Variants in COPRS observed in about 807,000 individuals in gnomAD.
COPRS encodes the protein cooperator of PRMT5.
COPRS carries 11 observed loss-of-function variants against 19.9 expected under a neutral mutation model. That is an observed-to-expected ratio of 0.55 (90% CI 0.35 to 0.92). The LOEUF (loss-of-function observed/expected upper bound fraction) is 0.92, where lower values mean the gene tolerates loss of function less well. Ranked by LOEUF, COPRS falls within the 40% of genes least tolerant of loss-of-function variation. The pLI is 0.01. For synonymous variants in COPRS, 81 were observed against 82.7 expected (o/e 0.98, Z 0.11); for missense variants, 225 against 229.9 (o/e 0.98, Z 0.14).
Position 31,859,196 on chromosome 17 carries a change from C to T in COPRS, c.4G>A (p.Asp2Asn). 2 of 1,052,264 alleles carry T rather than the reference C, an allele frequency of 1.9e-6. No individual in the cohort carries two copies. The highest frequency in any genetic ancestry group is 2.3e-6 in the Non-Finnish European group (2 of 872,514). The allele number at this position is 1,052,264 out of a possible 1,614,324, so 65.2% of individuals were successfully genotyped here. M[D>N]LQAAGAQAQG... Reference sequence around the variant, plus strand: ...GCCTGGGCCCCGGCGGCCTGAAGGTCCATGCCCTGCGGCCCGCGGCTGGTC... The same window carrying T: ...GCCTGGGCCCCGGCGGCCTGAAGGTTCATGCCCTGCGGCCCGCGGCTGGTC... The change falls in exon 1 of 4, where the codon GAC becomes AAC. Residue 2 changes from aspartate (D) to asparagine (N), a missense_variant. Asp to Asn is a conservative substitution (Grantham distance 23, BLOSUM62 1). Around this residue, in one of 3 missense-constraint regions of COPRS, gnomAD observed 51 missense variants for 39.2 expected, o/e 1.30. Coordinates refer to ENST00000302362, the MANE Select transcript of COPRS (RefSeq NM_018405.4).
chr17:31,855,149 G>A (rs2142275142), intron 2 of COPRS, among the ~76,000 whole-genome samples: 1 of 152,222 alleles, frequency 6.6e-6, no homozygotes, highest in South Asian at 2.1e-4. Flanking sequence ...GCCGAGGTGG[G>A]CGGATCACCT....
chr17:31,857,154 T>C (rs1909384389), intron 1 of COPRS, among the ~76,000 whole-genome samples: 1 of 152,168 alleles, frequency 6.6e-6, no homozygotes, highest in Non-Finnish European at 1.5e-5. Flanking sequence ...TGCGAACTCT[T>C]GCAGAGCCAG....
intron 1 of COPRS, among the ~76,000 whole-genome samples, chr17:31,858,016 C>T (rs1909416063): frequency 6.6e-6 from 1 of 152,186 alleles, no homozygotes; most frequent in African/African-American, 2.4e-5. Context: ...TAAACCACTG[C>T]CACGGCCTCC....
intron 1 of COPRS, among the ~76,000 whole-genome samples, chr17:31,857,818 T>G (rs1488243741): frequency 1.3e-5 from 2 of 152,214 alleles, no homozygotes; most frequent in Non-Finnish European, 1.5e-5. Context: ...ACACCTGGCA[T>G]GTGGCAAGAA....
chr17:31,858,224 T>G (rs756970627), intron 1 of COPRS: 8 of 254,322 alleles, frequency 3.1e-5, no homozygotes, highest in Non-Finnish European at 4.3e-5. Context: ...CCATGTGCCC[T>G]GCACTTTCTC....
In COPRS at chr17:31,852,939, GTCC is replaced by G; in HGVS notation, c.255_257del (p.Glu85del). 1 of 1,613,958 alleles carries G rather than the reference GTCC, an allele frequency of 6.2e-7. No individual in the cohort carries two copies. Among genetic ancestry groups the G allele is most frequent in the Non-Finnish European group, 8.5e-7 (1 of 1,179,804 alleles). On this transcript the variant is annotated inframe_deletion, in exon 3 of 4. Transcript: ENST00000302362. The stretch of plus-strand genomic sequence containing the variant: ...CCCAGGTATTCAGTTCTCCATCAGA[GTCC>G]TCCTCATCCATGGCAAAGCCTTCCT...
Position 31,858,471 on chromosome 17 carries a change from G to A in COPRS, c.99+630C>T, listed in dbSNP as rs374594642. 10 of 926,412 alleles carry A rather than the reference G, an allele frequency of 1.1e-5. No homozygotes were observed. The African/African-American group carries it at 1.8e-4, about 16-fold the overall frequency. The allele number at this position is 926,412 out of a possible 1,614,324, so 57.4% of individuals were successfully genotyped here. On this transcript the variant is annotated intron_variant, in intron 1 of 3. Transcript: ENST00000302362. ...GGCTGTGCAAACAGCCCTAACAGAGGGTTCCTACCTTCAAGCCGCTCAGCA... is the reference window on the plus strand; with the variant it reads ...GGCTGTGCAAACAGCCCTAACAGAGAGTTCCTACCTTCAAGCCGCTCAGCA...
In COPRS at chr17:31,858,943, G is replaced by C; in HGVS notation, c.99+158C>G. ...CGGCCCCGCGGCCTGGCCGTTTTCA[G>C]CTCGAGCGCGAGCCCAAACAGCGCT... On this transcript the variant is annotated intron_variant, in intron 1 of 3. Transcript: ENST00000302362. 4.2e-6 allele frequency: 6 copies of C among 1,431,206 alleles called. No individual in the cohort carries two copies. In the East Asian group the frequency reaches 8.3e-5, roughly 20 times the overall value. 88.7% of individuals were successfully genotyped at this position (1,431,206 alleles called of 1,614,324 possible).
chr17:31,855,343 T>C (rs1909305213), intron 2 of COPRS, among the ~76,000 whole-genome samples: 1 of 151,916 alleles, frequency 6.6e-6, no homozygotes, highest in Non-Finnish European at 1.5e-5. Context: ...CTATCTCTAC[T>C]AAAAACACAA....
In COPRS at chr17:31,859,162, GC is replaced by G; in HGVS notation, c.37del (p.Ala13ProfsTer43). The G allele has an allele frequency of 2.8e-6, 3 of 1,068,648 alleles. No individual in the cohort carries two copies. The highest frequency in any genetic ancestry group is 2.3e-6 in the Non-Finnish European group (2 of 885,018). 66.2% of individuals were successfully genotyped at this position (1,068,648 alleles called of 1,614,324 possible). A position where few individuals can be genotyped will look rare whatever the true frequency, so the allele number is the denominator to read the frequency against. Reference sequence around the variant, plus strand: ...CGGCGGGCCCCGAGACGGCTCCGCGGCCCCCTGCGCCTGGGCCCCGGCGGCC... The same window carrying G: ...CGGCGGGCCCCGAGACGGCTCCGCGGCCCCTGCGCCTGGGCCCCGGCGGCC... ...LQAAGAQAQG[A>X]AEPSRGPPLP... On this transcript the variant is annotated frameshift_variant, in exon 1 of 4. Transcript: ENST00000302362. LOFTEE classifies it high-confidence loss of function.
chr17:31,851,926 C>A lies in COPRS; in HGVS notation c.*213G>T, dbSNP rs1909176102. The A allele has an allele frequency of 1.8e-6, 1 of 546,236 alleles. No homozygotes were observed. The highest frequency in any genetic ancestry group is 3.3e-6 in the Non-Finnish European group (1 of 306,854). The allele number at this position is 546,236 out of a possible 1,614,324, so 33.8% of individuals were successfully genotyped here. On this transcript the variant is annotated 3_prime_UTR_variant, in exon 4 of 4. Coordinates refer to ENST00000302362, the MANE Select transcript of COPRS (RefSeq NM_018405.4). The stretch of plus-strand genomic sequence containing the variant: ...CACAACTCCTCTTGACACAAACACA[C>A]ACACATTTCAAGGAGGAGCCCATTA...
chr17:31,855,054 A>G (rs1909290691), intron 2 of COPRS, among the ~76,000 whole-genome samples: 1 of 152,174 alleles, frequency 6.6e-6, no homozygotes, highest in South Asian at 2.1e-4. Flanking sequence ...CATCTGTAAA[A>G]TGAAGATAGG....
At position 31,858,657 on chromosome 17, in the gene COPRS, C is replaced by G. The variant is rs1278049445; in HGVS notation, c.99+444G>C. The G allele has an allele frequency of 4.0e-6, 5 of 1,242,356 alleles. No homozygotes were observed. The Admixed American group carries it at 7.9e-5, about 20-fold the overall frequency. 77.0% of individuals were successfully genotyped at this position (1,242,356 alleles called of 1,614,324 possible). A position where few individuals can be genotyped will look rare whatever the true frequency, so the allele number is the denominator to read the frequency against. ...TGGTTTCAGTAAGGAGAAGGGGGAG[C>G]GCGCATGTGACATCTGGGGCTCAGG... On this transcript the variant is annotated intron_variant, in intron 1 of 3. Coordinates refer to ENST00000302362, the MANE Select transcript of COPRS (RefSeq NM_018405.4).
At chr17:31,858,002 C>T (rs1344578346) in intron 1 of COPRS, among the ~76,000 whole-genome samples, 1 of 152,146 alleles carries the variant, frequency 6.6e-6, no homozygotes, top group African/African-American at 2.4e-5. Flanking sequence ...TCAGACCTCT[C>T]ACCTAAACCA....
chr17:31,857,302 CTTTTAAA>C (rs1909391379), intron 1 of COPRS, among the ~76,000 whole-genome samples: 1 of 152,182 alleles, frequency 6.6e-6, no homozygotes, highest in Non-Finnish European at 1.5e-5. Context: ...TTTCCCTAAG[CTTTTAAA>C]TTTTAATCAA....
chr17:31,854,037 G>C (rs1281770990), intron 2 of COPRS, among the ~76,000 whole-genome samples: 2 of 152,156 alleles, frequency 1.3e-5, no homozygotes, highest in Non-Finnish European at 2.9e-5. Flanking sequence ...TCTAAAGCCA[G>C]ACTGTCTGAT....
intron 3 of COPRS, 23 bp from the exon 4 acceptor site, chr17:31,852,331 G>A (rs1383284680): frequency 1.3e-6 from 2 of 1,582,232 alleles, no homozygotes; most frequent in Non-Finnish European, 1.7e-6. Flanking sequence ...TTAAAAGACA[G>A]ATTAAGGGAA....
rs1322242987 is a variant in COPRS, at chr17:31,856,591, A to G, written c.166+208T>C. 3 of 625,056 alleles carry G rather than the reference A, an allele frequency of 4.8e-6. No individual in the cohort carries two copies. In the East Asian group the frequency reaches 8.6e-5, roughly 18 times the overall value. The allele number at this position is 625,056 out of a possible 1,614,324, so 38.7% of individuals were successfully genotyped here. A position where few individuals can be genotyped will look rare whatever the true frequency, so the allele number is the denominator to read the frequency against. The stretch of plus-strand genomic sequence containing the variant: ...GTTTCAAGCTGTTTCTCTCGGTAGA[A>G]GGATGGATTTGAACATAAGAAAAGT... On this transcript the variant is annotated intron_variant, in intron 2 of 3. Coordinates refer to ENST00000302362, the MANE Select transcript of COPRS (RefSeq NM_018405.4).
At position 31,852,317 on chromosome 17, in the gene COPRS, A is replaced by T; in HGVS notation, c.386-9T>A. 6.3e-7 allele frequency: 1 copy of T among 1,595,344 alleles called. No individual in the cohort carries two copies. The highest frequency in any genetic ancestry group is 1.1e-5 in the South Asian group (1 of 88,274). On this transcript the variant is annotated splice_polypyrimidine_tract_variant and intron_variant, in intron 3 of 3. Coordinates refer to ENST00000302362, the MANE Select transcript of COPRS (RefSeq NM_018405.4). The stretch of plus-strand genomic sequence containing the variant: ...CTGGATGTCGTCAGCATCTGCAGGC[A>T]GTTTTAAAAGACAGATTAAGGGAAG...
Sources: allele counts gnomAD v4.1 joint callset (sites outside exome capture counted in the v4.1 genomes callset), GRCh38; gene constraint gnomAD v4.1.1; regional missense constraint gnomAD v4.1.1; transcripts MANE v1.5; gene names NCBI Gene and HGNC (gene_info 2026-07-23, HGNC 2026-07-21).